The following BICC1 variants were observed in gnomAD, a reference collection of about 807,000 sequenced individuals.
The protein encoded by BICC1 is protein bicaudal C homolog 1.
In BICC1, 43 loss-of-function variants were observed where a neutral mutation model predicts 111.0. The ratio of observed to expected loss-of-function variants is 0.39; its 90% CI spans 0.30 to 0.50. The LOEUF (loss-of-function observed/expected upper bound fraction) is 0.50, where lower values mean the gene tolerates loss of function less well. Ranked by LOEUF, BICC1 falls within the 20% of genes least tolerant of loss-of-function variation. The pLI is 0.88. For missense variants in BICC1, 1,091 were observed against 1,203.2 expected, an observed-to-expected ratio of 0.91 and a Z score of 1.38; for synonymous variants, 467 against 434.4, an observed-to-expected ratio of 1.07 and a Z score of -0.93.
chr10:58,775,364 ACT>A (rs1296564539), intron 3 of BICC1, among the ~76,000 whole-genome samples: 1 of 151,612 alleles, frequency 6.6e-6, no homozygotes, highest in Non-Finnish European at 1.5e-5. Flanking sequence ...ACAGAGCGAG[ACT>A]CTGTCTCAAA....
chr10:58,532,833 T>G (rs1460140447), intron 1 of BICC1, among the ~76,000 whole-genome samples: 3 of 151,840 alleles, frequency 2.0e-5, no homozygotes, highest in Non-Finnish European at 2.9e-5. Context: ...ATTCAAACAA[T>G]TGGCATTGAG....
intron 2 of BICC1, among the ~76,000 whole-genome samples, chr10:58,688,718 A>G (rs936429438): frequency 6.6e-6 from 1 of 152,182 alleles, no homozygotes; most frequent in African/African-American, 2.4e-5. Context: ...TAATGAGTTC[A>G]TGTCCTTTGC....
At chr10:58,774,014 T>G (rs1195601498) in intron 3 of BICC1, among the ~76,000 whole-genome samples, 1 of 152,208 alleles carries the variant, frequency 6.6e-6, no homozygotes, top group Admixed American at 6.5e-5. Context: ...AAGAGAGATG[T>G]TGCCATAAAT....
intron 2 of BICC1, among the ~76,000 whole-genome samples, chr10:58,691,944 G>T (rs891006875): frequency 6.6e-6 from 1 of 152,092 alleles, no homozygotes; most frequent in African/African-American, 2.4e-5. Flanking sequence ...ACATATAATT[G>T]GAAAGCCTTA....
At chr10:58,548,647 C>T (rs1614258) in intron 1 of BICC1, among the ~76,000 whole-genome samples, 69,936 of 152,010 alleles carry the variant, frequency 0.46, 17,150 homozygotes, top group Admixed American at 0.62. Context: ...TCACCCCTTC[C>T]GAAACCCCTG....
intron 1 of BICC1, among the ~76,000 whole-genome samples, chr10:58,618,945 C>T (rs1410079952): frequency 6.6e-6 from 1 of 152,168 alleles, no homozygotes; most frequent in East Asian, 1.9e-4. Context: ...TTCCTTGGCT[C>T]ATGGCCTGTT....
chr10:58,582,370 A>G (rs1844307029), intron 1 of BICC1, among the ~76,000 whole-genome samples: 1 of 152,184 alleles, frequency 6.6e-6, no homozygotes, highest in South Asian at 2.1e-4. Flanking sequence ...ATGTAGTTTA[A>G]GTATTTCCTT....
intron 3 of BICC1, among the ~76,000 whole-genome samples, chr10:58,769,371 AATGTATGTGTGT>A (rs1842551058): frequency 1.2e-5 from 1 of 86,116 alleles, no homozygotes; most frequent in Non-Finnish European, 2.5e-5. Flanking sequence ...ATAGTTTTAT[AATGTATGTGTGT>A]GTGTGTGTGT....
chr10:58,568,174 G>T (rs1049227361), intron 1 of BICC1, among the ~76,000 whole-genome samples: 3 of 152,108 alleles, frequency 2.0e-5, no homozygotes, highest in Non-Finnish European at 4.4e-5. Context: ...AGGACTAGAT[G>T]AGGAGATACA....
intron 1 of BICC1, among the ~76,000 whole-genome samples, chr10:58,527,167 T>C: frequency 6.6e-6 from 1 of 152,220 alleles, no homozygotes; most frequent in East Asian, 1.9e-4. Context: ...TTTGCATTTC[T>C]CTGATGGCCA....
chr10:58,631,523 A>G (rs907082642), intron 2 of BICC1, among the ~76,000 whole-genome samples: 1 of 152,124 alleles, frequency 6.6e-6, no homozygotes, highest in Non-Finnish European at 1.5e-5. Flanking sequence ...AAAATTATCA[A>G]GAAATGTGTA....
intron 1 of BICC1, among the ~76,000 whole-genome samples, chr10:58,597,842 A>G (rs1303581483): frequency 6.6e-6 from 1 of 151,982 alleles, no homozygotes; most frequent in Non-Finnish European, 1.5e-5. Context: ...AGGCAGTCAG[A>G]CCTTATGGTT....
intron 3 of BICC1, among the ~76,000 whole-genome samples, chr10:58,745,945 C>G (rs928889242): frequency 6.6e-6 from 1 of 152,102 alleles, no homozygotes; most frequent in Non-Finnish European, 1.5e-5. Context: ...TTGTATATTT[C>G]TGCAATTCTA....
In BICC1 at chr10:58,620,845, T is replaced by C. The variant is rs371076192; in HGVS notation, c.191-10T>C. On this transcript the variant is annotated splice_polypyrimidine_tract_variant and intron_variant, in intron 1 of 20. Coordinates refer to ENST00000373886, the MANE Select transcript of BICC1 (RefSeq NM_001080512.3). ...AAAAGTATTTTAAATGTGCACATTT[T>C]TATTTACAGCTGCTGCTGAAGGGAA... 2 of 1,611,382 alleles carry C rather than the reference T, an allele frequency of 1.2e-6. No homozygotes were observed. Among genetic ancestry groups the C allele is most frequent in the African/African-American group, 2.7e-5 (2 of 74,850 alleles).
At chr10:58,621,387 C>G (rs768593457) in intron 2 of BICC1, among the ~76,000 whole-genome samples, 102 of 152,198 alleles carry the variant, frequency 6.7e-4, no homozygotes, top group Admixed American at 1.2e-3. Flanking sequence ...CAGGCTGATG[C>G]AGTTTAGGTA....
chr10:58,803,913 C>G (rs1179939406), intron 15 of BICC1, among the ~76,000 whole-genome samples: 1 of 152,062 alleles, frequency 6.6e-6, no homozygotes, highest in African/African-American at 2.4e-5. Flanking sequence ...GTGCTTTGTG[C>G]TTTTAGAGAT....
At chr10:58,811,913 T>A (rs2132931251) in intron 17 of BICC1, among the ~76,000 whole-genome samples, 1 of 152,138 alleles carries the variant, frequency 6.6e-6, no homozygotes, top group Non-Finnish European at 1.5e-5. Context: ...GCCGGTGAGT[T>A]CCTGAAGCCG....
At chr10:58,633,841 C>T (rs184512871) in intron 2 of BICC1, among the ~76,000 whole-genome samples, 37 of 152,220 alleles carry the variant, frequency 2.4e-4, no homozygotes, top group African/African-American at 8.9e-4. Flanking sequence ...ATCAGTTTAG[C>T]ACACTCTGGT....
At chr10:58,652,849 G>A (rs1005848972) in intron 2 of BICC1, among the ~76,000 whole-genome samples, 1 of 152,040 alleles carries the variant, frequency 6.6e-6, no homozygotes, top group Admixed American at 6.6e-5. Flanking sequence ...ACTGCACCTA[G>A]CACAGAATTG....
Sources: allele counts gnomAD v4.1 joint callset (sites outside exome capture counted in the v4.1 genomes callset), GRCh38; gene constraint gnomAD v4.1.1; transcripts MANE v1.5; gene names NCBI Gene and HGNC (gene_info 2026-07-23, HGNC 2026-07-21).